Variants in CTNNA3 observed in about 807,000 individuals in gnomAD.
CTNNA3 encodes catenin alpha-3.
In CTNNA3, 76 loss-of-function variants were observed where a neutral mutation model predicts 95.7. The observed-to-expected ratio is 0.79, with a 90% CI of 0.66 to 0.96. CTNNA3 has a LOEUF of 0.96. Among genes scored for constraint, CTNNA3 ranks in the 40% least tolerant of loss-of-function variants. CTNNA3 has a pLI of 0.00. For missense variants in CTNNA3, 1,191 were observed against 1,089.8 expected (o/e 1.09, Z -1.31); for synonymous variants, 431 against 374.4 (o/e 1.15, Z -1.74).
rs1841059394 is a variant in CTNNA3, at chr10:67,703,695, A to G, written c.-1-56181T>C. ...TACTGAATGGGCAAACACTGGAAGC[A>G]TTGCCTTTGAAAACTGGCACAAGAC... is the stretch of plus-strand genomic sequence containing the variant. On this transcript the variant is annotated intron_variant, in intron 1 of 17. Coordinates refer to the CTNNA3 transcript ENST00000684154. Among the ~76,000 whole-genome samples the G allele has an allele frequency of 3.9e-5, 6 of 152,330 alleles. No homozygotes were observed. The South Asian group carries it at 1.2e-3, about 32-fold the overall frequency.
At chr10:66,662,997 C>T (rs1349733449) in intron 9 of CTNNA3, among the ~76,000 whole-genome samples, 2 of 152,070 alleles carry the variant, frequency 1.3e-5, no homozygotes, top group Admixed American at 6.6e-5. Context: ...GATTTTGACC[C>T]TTCTTCACTG....
intron 7 of CTNNA3, among the ~76,000 whole-genome samples, chr10:67,010,889 T>C (rs1852282335): frequency 6.6e-6 from 1 of 152,160 alleles, no homozygotes; most frequent in Non-Finnish European, 1.5e-5. Flanking sequence ...ATGGTTAACA[T>C]TATTTCTTCT....
intron 15 of CTNNA3, among the ~76,000 whole-genome samples, chr10:66,045,758 G>A (rs1257062477): frequency 6.6e-6 from 1 of 151,726 alleles, no homozygotes; most frequent in Non-Finnish European, 1.5e-5. Flanking sequence ...TTTTCTTCTA[G>A]GCTACTAAGC....
intron 15 of CTNNA3, among the ~76,000 whole-genome samples, chr10:66,044,455 T>C (rs2079781366): frequency 6.6e-6 from 1 of 152,148 alleles, no homozygotes. Context: ...TTCTCATTTC[T>C]GGCAATGCAG....
intron 7 of CTNNA3, among the ~76,000 whole-genome samples, chr10:66,817,242 C>T (rs990139488): frequency 2.6e-5 from 4 of 151,622 alleles, no homozygotes; most frequent in African/African-American, 9.7e-5. Context: ...AAAAACACAT[C>T]CAAATTTTTT....
chr10:67,021,834 G>C (rs893793698), intron 7 of CTNNA3, among the ~76,000 whole-genome samples: 4 of 152,120 alleles, frequency 2.6e-5, no homozygotes, highest in African/African-American at 9.7e-5. Flanking sequence ...TACTATAAAG[G>C]GAAACATGGT....
At chr10:66,353,925 CAA>C (rs2092586761) in intron 12 of CTNNA3, among the ~76,000 whole-genome samples, 2 of 151,660 alleles carry the variant, frequency 1.3e-5, no homozygotes, top group Non-Finnish European at 2.9e-5. Context: ...CACAAAATCT[CAA>C]AAATGTGAAT....
At chr10:67,630,697 G>A (rs1193479608) in intron 2 of CTNNA3, among the ~76,000 whole-genome samples, 2 of 152,066 alleles carry the variant, frequency 1.3e-5, no homozygotes, top group African/African-American at 4.8e-5. Flanking sequence ...ACTTAGAGGT[G>A]AACGACAAAG....
chr10:66,196,474 G>A (rs544778672), intron 13 of CTNNA3, among the ~76,000 whole-genome samples: 1 of 152,278 alleles, frequency 6.6e-6, no homozygotes, highest in South Asian at 2.1e-4. Flanking sequence ...AAGCCAACCA[G>A]AAACTCCATG....
In CTNNA3 at chr10:66,290,664, TAAAG is replaced by T. The variant is rs146611499; in HGVS notation, c.1733-10047_1733-10044del. 8.1e-3 allele frequency among the ~76,000 whole-genome samples: 1,227 copies of T among 152,260 alleles called. 13 individuals are homozygous for T. Among genetic ancestry groups the T allele is most frequent in the African/African-American group, 0.028 (1,166 of 41,570 alleles). ...TATCAGATTATCGTCTGCAGAGAGTTAAAGTACTAGAGTTTTGATTTGCACCTAC... is the reference window on the plus strand; with the variant it reads ...TATCAGATTATCGTCTGCAGAGAGTTTACTAGAGTTTTGATTTGCACCTAC... On this transcript the variant is annotated intron_variant, in intron 12 of 17. Coordinates refer to ENST00000433211, the MANE Select transcript of CTNNA3 (RefSeq NM_013266.4).
At chr10:66,064,274 C>T (rs972046426) in intron 15 of CTNNA3, among the ~76,000 whole-genome samples, 3 of 152,154 alleles carry the variant, frequency 2.0e-5, no homozygotes, top group Non-Finnish European at 4.4e-5. Flanking sequence ...CAATTGCCTT[C>T]ACCTGGTCTC....
chr10:66,651,143 G>C (rs1290966505), intron 9 of CTNNA3, among the ~76,000 whole-genome samples: 1 of 152,148 alleles, frequency 6.6e-6, no homozygotes, highest in Non-Finnish European at 1.5e-5. Context: ...CAAACCGTGA[G>C]CTAGACAAAG....
chr10:66,053,036 TC>T (rs1234950356), intron 15 of CTNNA3, among the ~76,000 whole-genome samples: 7 of 152,018 alleles, frequency 4.6e-5, no homozygotes, highest in Admixed American at 2.0e-4. Context: ...AACTAAGAGT[TC>T]TTGAAACAGA....
At chr10:66,613,487 G>A (rs1446004954) in intron 10 of CTNNA3, among the ~76,000 whole-genome samples, 1 of 151,924 alleles carries the variant, frequency 6.6e-6, no homozygotes, top group Non-Finnish European at 1.5e-5. Flanking sequence ...CAAGATACAG[G>A]GCAGTGATAG....
At chr10:67,512,573 T>C (rs1244682649) in intron 5 of CTNNA3, among the ~76,000 whole-genome samples, 1 of 152,138 alleles carries the variant, frequency 6.6e-6, no homozygotes, top group Non-Finnish European at 1.5e-5. Flanking sequence ...AGTAGAAAAC[T>C]ACAAAATGAT....
intron 3 of CTNNA3, among the ~76,000 whole-genome samples, chr10:67,588,541 C>A (rs1842702487): frequency 1.3e-5 from 2 of 151,290 alleles, no homozygotes; most frequent in African/African-American, 4.9e-5. Flanking sequence ...GGGGGGGGGA[C>A]TGGATTGGCA....
chr10:66,021,211 T>G (rs1295231458), intron 15 of CTNNA3, among the ~76,000 whole-genome samples: 1 of 152,170 alleles, frequency 6.6e-6, no homozygotes, highest in African/African-American at 2.4e-5. Flanking sequence ...GAATTGTAGG[T>G]GCTAAAATGC....
At chr10:66,241,334 T>A (rs1385620690) in intron 13 of CTNNA3, among the ~76,000 whole-genome samples, 1 of 152,180 alleles carries the variant, frequency 6.6e-6, no homozygotes, top group Non-Finnish European at 1.5e-5. Context: ...CTAACAACTC[T>A]TTGTGAATCT....
intron 7 of CTNNA3, among the ~76,000 whole-genome samples, chr10:66,822,140 T>G (rs1013225207): frequency 2.0e-5 from 3 of 149,618 alleles, no homozygotes; most frequent in African/African-American, 7.3e-5. Context: ...TGTCAATATA[T>G]AATATATAAA....
Sources: allele counts gnomAD v4.1 joint callset (sites outside exome capture counted in the v4.1 genomes callset), GRCh38; gene constraint gnomAD v4.1.1; transcripts MANE v1.5; gene names NCBI Gene and HGNC (gene_info 2026-07-23, HGNC 2026-07-21).